PRDM16: variants seen among roughly 807,000 people sequenced by gnomAD.
PRDM16 encodes histone-lysine N-methyltransferase PRDM16.
PRDM16 carries 23 observed loss-of-function variants against 110.6 expected under a neutral mutation model. The observed-to-expected ratio is 0.21, with a 90% CI of 0.15 to 0.29. The LOEUF (loss-of-function observed/expected upper bound fraction) is 0.29, where lower values mean the gene tolerates loss of function less well. Ranked by LOEUF, PRDM16 falls within the 10% of genes least tolerant of loss-of-function variation. The probability of loss-of-function intolerance (pLI) is 1.00; values close to 1 mark genes in which losing one functional copy is unlikely to be tolerated. For missense variants in PRDM16, 1,615 were observed against 1,794.3 expected (o/e 0.90, Z 1.81); for synonymous variants, 799 against 781.8 (o/e 1.02, Z -0.37).
At chr1:3,159,067 G>T (rs548523398) in intron 1 of PRDM16, among the ~76,000 whole-genome samples, 1 of 152,340 alleles carries the variant, frequency 6.6e-6, no homozygotes, top group East Asian at 1.9e-4. Context: ...ACCATGCCAG[G>T]CCAAGATTTT....
At chr1:3,169,744 T>C (rs1445002045) in intron 1 of PRDM16, among the ~76,000 whole-genome samples, 1 of 152,234 alleles carries the variant, frequency 6.6e-6, no homozygotes, top group Non-Finnish European at 1.5e-5. Context: ...CATCAGGATC[T>C]TGAAGGGGCA....
At chr1:3,098,977 G>A (rs552621811) in intron 1 of PRDM16, among the ~76,000 whole-genome samples, 9 of 152,332 alleles carry the variant, frequency 5.9e-5, no homozygotes, top group East Asian at 5.8e-4. Flanking sequence ...TGAGGAGGGC[G>A]AGAAAAGGAG....
At chr1:3,356,239 TG>T (rs1642597048) in intron 3 of PRDM16, among the ~76,000 whole-genome samples, 1 of 152,098 alleles carries the variant, frequency 6.6e-6, no homozygotes, top group African/African-American at 2.4e-5. Context: ...ACGTGTCTGG[TG>T]TTTGTGGAAT....
At chr1:3,289,567 A>C (rs1211432935) in intron 3 of PRDM16, among the ~76,000 whole-genome samples, 1 of 152,210 alleles carries the variant, frequency 6.6e-6, no homozygotes, top group Non-Finnish European at 1.5e-5. Flanking sequence ...CCCAGTGCCC[A>C]CAGCCCAGCA....
chr1:3,254,593 T>C (rs1207949967), intron 3 of PRDM16, among the ~76,000 whole-genome samples: 1 of 152,122 alleles, frequency 6.6e-6, no homozygotes, highest in Non-Finnish European at 1.5e-5. Flanking sequence ...GGAATCCAAC[T>C]TACAAGGGAC....
At chr1:3,180,968 T>C (rs80145477) in intron 1 of PRDM16, among the ~76,000 whole-genome samples, 3 of 131,020 alleles carry the variant, frequency 2.3e-5, no homozygotes, top group Non-Finnish European at 3.2e-5. Flanking sequence ...TCTTACACAC[T>C]CGGTCTTACA....
chr1:3,170,801 C>T (rs1644016935), intron 1 of PRDM16, among the ~76,000 whole-genome samples: 1 of 152,238 alleles, frequency 6.6e-6, no homozygotes, highest in Admixed American at 6.5e-5. Flanking sequence ...CAGTGCCCTC[C>T]CCACCCCATG....
rs567960370 is a variant in PRDM16, at chr1:3,382,758, A to G, written c.439-2394A>G. ...TGACCCAGGTGCTCCAGCTTTGAAG[A>G]CAAAAATCCGGGTCCCAGGTGGGAG... On this transcript the variant is annotated intron_variant, in intron 3 of 16. Coordinates refer to ENST00000270722, the MANE Select transcript of PRDM16 (RefSeq NM_022114.4). The surrounding 1 kb of genome is among the most constrained non-coding windows in gnomAD (Gnocchi z 6.6). Among the ~76,000 whole-genome samples, 6 of 152,278 alleles carry G rather than the reference A, an allele frequency of 3.9e-5. No homozygotes were observed. In the South Asian group the frequency reaches 1.2e-3, roughly 32 times the overall value.
chr1:3,407,239 G>A (rs1643577641), intron 8 of PRDM16, among the ~76,000 whole-genome samples: 1 of 152,200 alleles, frequency 6.6e-6, no homozygotes, highest in Non-Finnish European at 1.5e-5. Flanking sequence ...CCTGGGCTGT[G>A]CCCGTCCCAC....
rs111752552 is a variant in PRDM16 at position 3,114,551 on chromosome 1, C to G, written c.37+45255C>G. The stretch of plus-strand genomic sequence containing the variant: ...GCACACATGCACACATGAACACACA[C>G]ACGTGCACAAACAAGCACACACTTG... On this transcript the variant is annotated intron_variant, in intron 1 of 16. Transcript: ENST00000270722. Among the ~76,000 whole-genome samples the G allele has an allele frequency of 9.6e-3, 1,462 of 151,900 alleles. 23 individuals carry two copies. Among genetic ancestry groups the G allele is most frequent in the African/African-American group, 0.033 (1,369 of 41,436 alleles).
chr1:3,285,938 C>T (rs967654283), intron 3 of PRDM16, among the ~76,000 whole-genome samples: 2 of 152,194 alleles, frequency 1.3e-5, no homozygotes, highest in African/African-American at 4.8e-5. Context: ...CCAGAAAGCC[C>T]CTGCGGCGTG....
intron 1 of PRDM16, among the ~76,000 whole-genome samples, chr1:3,158,750 T>A (rs761642820): frequency 2.0e-5 from 3 of 149,326 alleles, no homozygotes; most frequent in Non-Finnish European, 4.4e-5. Context: ...CCCTTTTTTC[T>A]TTCTTTCTTT....
At chr1:3,074,070 G>A (rs1022537449) in intron 1 of PRDM16, among the ~76,000 whole-genome samples, 34 of 152,180 alleles carry the variant, frequency 2.2e-4, no homozygotes, top group Non-Finnish European at 4.1e-4. Flanking sequence ...GGCAGAGGGT[G>A]GGGGTCTGGC....
chr1:3,088,333 G>C (rs1287299034), intron 1 of PRDM16, among the ~76,000 whole-genome samples: 14 of 152,074 alleles, frequency 9.2e-5, no homozygotes, highest in African/African-American at 3.4e-4. Context: ...TTTCCCTTCT[G>C]TTGCATTCAA....
At chr1:3,146,998 G>C (rs1643680903) in intron 1 of PRDM16, among the ~76,000 whole-genome samples, 1 of 125,178 alleles carries the variant, frequency 8.0e-6, no homozygotes, top group African/African-American at 3.1e-5. Context: ...GCATGTGTGT[G>C]CTTGGTGTGG....
intron 12 of PRDM16, among the ~76,000 whole-genome samples, chr1:3,421,088 C>T (rs1461570887): frequency 6.6e-6 from 1 of 152,182 alleles, no homozygotes; most frequent in Admixed American, 6.5e-5. Context: ...TGCACGCGGC[C>T]CGTGCATGTC....
At chr1:3,305,507 ATC>A (rs1480289897) in intron 3 of PRDM16, among the ~76,000 whole-genome samples, 1 of 152,164 alleles carries the variant, frequency 6.6e-6, no homozygotes, top group Non-Finnish European at 1.5e-5. Context: ...ACCATTTCCC[ATC>A]TGTTTGCCCA....
At chr1:3,305,134 A>C (rs1641285536) in intron 3 of PRDM16, among the ~76,000 whole-genome samples, 1 of 152,178 alleles carries the variant, frequency 6.6e-6, no homozygotes, top group African/African-American at 2.4e-5. Context: ...CCAGCAGGGG[A>C]AGCTGGCACC....
rs566310564 is a variant in PRDM16 at position 3,284,129 on chromosome 1, G to A, written c.438+39992G>A. Among the ~76,000 whole-genome samples, 30 of 152,256 alleles carry A rather than the reference G, an allele frequency of 2.0e-4. 1 individual carries two copies. The East Asian group carries it at 5.6e-3, about 28-fold the overall frequency. ...GCCCGCCACCCGCCACCCGTAGCCC[G>A]CCCGGGAAGCTGGGGTGGAGGCGCC... On this transcript the variant is annotated intron_variant, in intron 3 of 16. Coordinates refer to ENST00000270722, the MANE Select transcript of PRDM16 (RefSeq NM_022114.4).
Sources: allele counts gnomAD v4.1 joint callset (sites outside exome capture counted in the v4.1 genomes callset), GRCh38; gene constraint gnomAD v4.1.1; non-coding constraint Gnocchi (gnomAD v3.1); transcripts MANE v1.5; gene names NCBI Gene and HGNC (gene_info 2026-07-23, HGNC 2026-07-21).